Variants in DLGAP1 observed in about 807,000 individuals in gnomAD.
DLGAP1 encodes the protein disks large-associated protein 1.
In DLGAP1, 11 loss-of-function variants were observed where a neutral mutation model predicts 90.8. The observed-to-expected ratio is 0.12, with a 90% CI of 0.08 to 0.20. The LOEUF is 0.20. Among genes scored for constraint, DLGAP1 ranks in the 10% least tolerant of loss-of-function variants. The probability of loss-of-function intolerance (pLI) is 1.00; values close to 1 mark genes in which losing one functional copy is unlikely to be tolerated. For missense variants in DLGAP1, 1,050 were observed against 1,333.8 expected (o/e 0.79, Z 3.31); for synonymous variants, 558 against 540.7 (o/e 1.03, Z -0.44).
chr18:3,570,928 CAAA>C (rs71366686), intron 8 of DLGAP1, among the ~76,000 whole-genome samples: 1 of 113,012 alleles, frequency 8.8e-6, no homozygotes, highest in Non-Finnish European at 1.9e-5. Flanking sequence ...GACAGTGTCT[CAAA>C]AAAAAAAAAA....
intron 1 of DLGAP1, among the ~76,000 whole-genome samples, chr18:4,338,353 G>A (rs976333950): frequency 3.9e-5 from 6 of 152,126 alleles, no homozygotes; most frequent in Non-Finnish European, 7.4e-5. Flanking sequence ...AAGGTGCTGA[G>A]TACATAGTAC....
In DLGAP1 at chr18:3,517,647, GTC is replaced by G. The variant is rs1480856694; in HGVS notation, c.2480-8988_2480-8987del. Reference sequence around the variant, plus strand: ...AGCCTGACCAACATGGTGAAACCAAGTCTCTACTAAAAATACAAAATTAGTCA... The same window carrying G: ...AGCCTGACCAACATGGTGAAACCAAGTCTACTAAAAATACAAAATTAGTCA... On this transcript the variant is annotated intron_variant, in intron 10 of 12. Transcript: ENST00000315677. The surrounding 1 kb of genome is among the most constrained non-coding windows in gnomAD (Gnocchi z 4.1). Among the ~76,000 whole-genome samples the G allele has an allele frequency of 1.3e-5, 2 of 152,150 alleles. No homozygotes were observed. Among genetic ancestry groups the G allele is most frequent in the East Asian group, 3.9e-4 (2 of 5,168 alleles).
chr18:3,980,683 T>A (rs933187514), intron 3 of DLGAP1, among the ~76,000 whole-genome samples: 1 of 152,192 alleles, frequency 6.6e-6, no homozygotes, highest in Non-Finnish European at 1.5e-5. Flanking sequence ...CCCGATAGTT[T>A]GTCCATATGC....
chr18:4,140,798 T>G (rs994467471), intron 2 of DLGAP1, among the ~76,000 whole-genome samples: 6 of 152,066 alleles, frequency 3.9e-5, no homozygotes, highest in African/African-American at 1.4e-4. Flanking sequence ...ATATTTTTGC[T>G]GGACATATTA....
chr18:4,128,043 A>G (rs1360909684), intron 2 of DLGAP1, among the ~76,000 whole-genome samples: 1 of 152,176 alleles, frequency 6.6e-6, no homozygotes, highest in African/African-American at 2.4e-5. Context: ...TAGTTACACA[A>G]TATTTCCCCT....
chr18:3,861,506 T>C (rs575171629), intron 4 of DLGAP1, among the ~76,000 whole-genome samples: 1 of 152,306 alleles, frequency 6.6e-6, no homozygotes, highest in South Asian at 2.1e-4. Context: ...CTGACTTTTA[T>C]ATAATTTCAG....
intron 7 of DLGAP1, among the ~76,000 whole-genome samples, chr18:3,691,102 T>C (rs2060878538): frequency 6.6e-6 from 1 of 152,192 alleles, no homozygotes; most frequent in Non-Finnish European, 1.5e-5. Context: ...GGCCAGGTGA[T>C]TTCCGTAGTT....
chr18:3,632,621 G>A (rs902883106), intron 7 of DLGAP1, among the ~76,000 whole-genome samples: 3 of 152,050 alleles, frequency 2.0e-5, no homozygotes, highest in Non-Finnish European at 4.4e-5. Context: ...ATAATCCAAC[G>A]TCTTAATCCT....
intron 2 of DLGAP1, among the ~76,000 whole-genome samples, chr18:4,111,051 T>A (rs1034583369): frequency 2.1e-4 from 32 of 152,186 alleles, no homozygotes; most frequent in Non-Finnish European, 7.3e-5. Context: ...GCCGTGGTTT[T>A]TTTCTAGGTG....
chr18:4,130,332 G>A (rs78651795), intron 2 of DLGAP1, among the ~76,000 whole-genome samples: 2,830 of 152,154 alleles, frequency 0.019, 75 homozygotes, highest in South Asian at 0.079. Flanking sequence ...AGGAACACAC[G>A]AACACAGATA....
intron 1 of DLGAP1, among the ~76,000 whole-genome samples, chr18:4,287,920 C>A (rs62086559): frequency 0.042 from 6,340 of 151,798 alleles, 172 homozygotes; most frequent in African/African-American, 0.071. Flanking sequence ...GGGTACCCTG[C>A]TAACAAAGGC....
At chr18:4,170,715 T>C (rs1171964340) in intron 1 of DLGAP1, among the ~76,000 whole-genome samples, 1 of 152,182 alleles carries the variant, frequency 6.6e-6, no homozygotes, top group Non-Finnish European at 1.5e-5. Context: ...CTTAATCTAA[T>C]CTAATCTAAT....
intron 1 of DLGAP1, among the ~76,000 whole-genome samples, chr18:4,265,663 C>CCCTCCCTTCCTTCCTTCCTT (rs1480684536): frequency 1.8e-5 from 1 of 54,262 alleles, no homozygotes; most frequent in African/African-American, 1.8e-4. Flanking sequence ...CTCCCTCCCT[C>CCCTCCCTTCCTTCCTTCCTT]CCTTCCTTCC....
chr18:4,452,003 C>G (rs1268544610), intron 1 of DLGAP1, among the ~76,000 whole-genome samples: 1 of 151,852 alleles, frequency 6.6e-6, no homozygotes, highest in Non-Finnish European at 1.5e-5. Context: ...AATATAATTA[C>G]CAATGGAAAA....
intron 10 of DLGAP1, among the ~76,000 whole-genome samples, chr18:3,518,880 A>G (rs1467577096): frequency 1.3e-5 from 2 of 152,000 alleles, no homozygotes; most frequent in Admixed American, 6.6e-5. Flanking sequence ...TCACACTCCA[A>G]CCTCCCTCCC....
intron 2 of DLGAP1, among the ~76,000 whole-genome samples, chr18:4,118,507 G>C (rs986121018): frequency 6.6e-6 from 1 of 152,146 alleles, no homozygotes; most frequent in African/African-American, 2.4e-5. Context: ...TCAGTCCTAC[G>C]AATAGAAGTT....
chr18:4,047,074 G>A (rs8087900), intron 2 of DLGAP1, among the ~76,000 whole-genome samples: 1,784 of 152,292 alleles, frequency 0.012, 29 homozygotes, highest in African/African-American at 0.041. Context: ...CTTCAATGTT[G>A]AATTTCCAGA....
chr18:3,837,913 C>T (rs1365966202), intron 4 of DLGAP1, among the ~76,000 whole-genome samples: 1 of 117,462 alleles, frequency 8.5e-6, no homozygotes, highest in African/African-American at 3.2e-5. Flanking sequence ...AAATTGTACA[C>T]ATTTCTCTCT....
chr18:3,833,181 C>G (rs1178005230), intron 4 of DLGAP1, among the ~76,000 whole-genome samples: 5 of 25,256 alleles, frequency 2.0e-4, no homozygotes, highest in African/African-American at 3.8e-4. Context: ...TTCCTTCCTT[C>G]CTTCCTTCCT....
Sources: allele counts gnomAD v4.1 joint callset (sites outside exome capture counted in the v4.1 genomes callset), GRCh38; gene constraint gnomAD v4.1.1; non-coding constraint Gnocchi (gnomAD v3.1); transcripts MANE v1.5; gene names NCBI Gene and HGNC (gene_info 2026-07-23, HGNC 2026-07-21).